The following GPC6 variants were observed in gnomAD, a reference collection of about 807,000 sequenced individuals.
GPC6 encodes glypican-6.
GPC6 carries 14 observed loss-of-function variants against 55.2 expected under a neutral mutation model. That is an observed-to-expected ratio of 0.25 (90% CI 0.17 to 0.40). The LOEUF (loss-of-function observed/expected upper bound fraction) is 0.40, where lower values mean the gene tolerates loss of function less well. GPC6 is among the 10% of genes least tolerant of loss of function. The pLI is 1.00. For synonymous variants in GPC6, 278 were observed against 259.6 expected (o/e 1.07, Z -0.68); for missense variants, 641 against 708.5 (o/e 0.90, Z 1.08).
chr13:93,587,947 C>T (rs1046774514), intron 2 of GPC6, among the ~76,000 whole-genome samples: 2 of 152,202 alleles, frequency 1.3e-5, no homozygotes, highest in African/African-American at 4.8e-5. Context: ...CTACAGTCCA[C>T]CATAACCTGG....
intron 1 of GPC6, among the ~76,000 whole-genome samples, chr13:93,528,640 TTTTTGGC>T (rs1881744293): frequency 2.6e-5 from 4 of 152,170 alleles, no homozygotes; most frequent in African/African-American, 9.6e-5. Context: ...GAATATGAAG[TTTTTGGC>T]ATCTTCTAAG....
chr13:93,230,486 CTATT>C (rs1875968362), intron 1 of GPC6, among the ~76,000 whole-genome samples: 2 of 152,132 alleles, frequency 1.3e-5, no homozygotes, highest in African/African-American at 2.4e-5. Context: ...ATCAGATAGA[CTATT>C]TATCCTTGTT....
At chr13:94,381,994 C>G (rs1406541024) in intron 6 of GPC6, among the ~76,000 whole-genome samples, 1 of 152,184 alleles carries the variant, frequency 6.6e-6, no homozygotes, top group Non-Finnish European at 1.5e-5. Flanking sequence ...ACAAGGAGTC[C>G]ATTGGGAAAA....
intron 2 of GPC6, among the ~76,000 whole-genome samples, chr13:93,699,496 TA>T (rs1882595918): frequency 6.6e-6 from 1 of 152,082 alleles, no homozygotes; most frequent in South Asian, 2.1e-4. Context: ...TACACAGAAT[TA>T]AAGTGTCATC....
intron 1 of GPC6, among the ~76,000 whole-genome samples, chr13:93,462,194 C>A (rs1392460106): frequency 6.6e-6 from 1 of 152,070 alleles, no homozygotes; most frequent in African/African-American, 2.4e-5. Context: ...GGATGAGATT[C>A]AAAATATACT....
chr13:93,444,942 T>G (rs772825681), intron 1 of GPC6, among the ~76,000 whole-genome samples: 1 of 152,222 alleles, frequency 6.6e-6, no homozygotes, highest in Non-Finnish European at 1.5e-5. Context: ...GTATGGAACT[T>G]AGCATTTTCT....
chr13:93,521,239 T>G (rs1210561896), intron 1 of GPC6, among the ~76,000 whole-genome samples: 1 of 151,990 alleles, frequency 6.6e-6, no homozygotes, highest in Admixed American at 6.6e-5. Flanking sequence ...TATTGCATTT[T>G]CTTTCTAAGA....
chr13:94,230,597 C>A (rs1372218403), intron 4 of GPC6, among the ~76,000 whole-genome samples: 1 of 152,076 alleles, frequency 6.6e-6, no homozygotes, highest in Non-Finnish European at 1.5e-5. Context: ...AAGGGTATCT[C>A]CTCAGAACAA....
intron 4 of GPC6, among the ~76,000 whole-genome samples, chr13:94,209,715 A>G (rs1295460720): frequency 6.6e-6 from 1 of 152,200 alleles, no homozygotes; most frequent in Non-Finnish European, 1.5e-5. Flanking sequence ...AATGTCATGC[A>G]TTTTATGAAA....
chr13:93,236,244 T>G (rs1876230414), intron 1 of GPC6, among the ~76,000 whole-genome samples: 1 of 152,168 alleles, frequency 6.6e-6, no homozygotes, highest in Non-Finnish European at 1.5e-5. Flanking sequence ...TCTTTTAAAT[T>G]TCAATAGCTT....
the GPC6 span, among the ~76,000 whole-genome samples, chr13:93,220,081 A>G: frequency 6.6e-6 from 1 of 152,200 alleles, no homozygotes; most frequent in Non-Finnish European, 1.5e-5. Context: ...GTGTTTTCCA[A>G]AAACTAAGTC....
chr13:94,398,213 C>T (rs1029464756), intron 7 of GPC6, among the ~76,000 whole-genome samples: 2 of 151,092 alleles, frequency 1.3e-5, no homozygotes, highest in Admixed American at 6.6e-5. Context: ...TGTAGGCAGA[C>T]CTACCTAAGA....
chr13:94,382,472 A>G lies in GPC6; in HGVS notation c.1211A>G (p.Tyr404Cys). The change falls in exon 7 of 9, where the codon TAC becomes TGC. Residue 404 changes from tyrosine (Y) to cysteine (C), a missense_variant. Transcript: ENST00000377047. ...AAAAAGGTCTGGTCAGCATTACCCTACACTATCTGCAAGGACGAGAGCGTG... is the reference window on the plus strand; with the variant it reads ...AAAAAGGTCTGGTCAGCATTACCCTGCACTATCTGCAAGGACGAGAGCGTG... The part of the protein sequence containing the change: ...LSKKVWSALP[Y>C]TICKDESVTA... The G allele has an allele frequency of 6.2e-7, 1 of 1,614,128 alleles. No individual in the cohort carries two copies. The highest frequency in any genetic ancestry group is 8.5e-7 in the Non-Finnish European group (1 of 1,179,962).
chr13:93,342,150 A>G (rs1291045729), intron 1 of GPC6, among the ~76,000 whole-genome samples: 1 of 151,968 alleles, frequency 6.6e-6, no homozygotes, highest in Non-Finnish European at 1.5e-5. Flanking sequence ...TACTTTTGTT[A>G]TAAGGTGAGA....
At chr13:94,237,729 C>A (rs1198006158) in intron 4 of GPC6, among the ~76,000 whole-genome samples, 1 of 152,044 alleles carries the variant, frequency 6.6e-6, no homozygotes, top group South Asian at 2.1e-4. Flanking sequence ...AATAAAAAAA[C>A]GTAGGTGGGC....
chr13:94,053,305 C>G (rs1399548388), intron 4 of GPC6, among the ~76,000 whole-genome samples: 1 of 152,044 alleles, frequency 6.6e-6, no homozygotes, highest in Non-Finnish European at 1.5e-5. Context: ...GCTCTGTAGG[C>G]AATTTGGATA....
At chr13:93,225,489 T>G (rs1875741423), upstream of GPC6, among the ~76,000 whole-genome samples, 1 of 5,684 alleles carries the variant, frequency 1.8e-4, no homozygotes, top group South Asian at 0.062. Flanking sequence ...CTATGGAGTT[T>G]TTTTTTTTGT....
chr13:94,155,023 C>A (rs1249144392), intron 4 of GPC6, among the ~76,000 whole-genome samples: 1 of 152,106 alleles, frequency 6.6e-6, no homozygotes, highest in Non-Finnish European at 1.5e-5. Context: ...GTCCCCAGGG[C>A]ACTGCATTGG....
At chr13:93,425,159 GATGA>G (rs1313388638) in intron 1 of GPC6, among the ~76,000 whole-genome samples, 1 of 152,154 alleles carries the variant, frequency 6.6e-6, no homozygotes, top group East Asian at 1.9e-4. Flanking sequence ...CAAAATTCGT[GATGA>G]ATGAATTACA....
Sources: allele counts gnomAD v4.1 joint callset (sites outside exome capture counted in the v4.1 genomes callset), GRCh38; gene constraint gnomAD v4.1.1; transcripts MANE v1.5; gene names NCBI Gene and HGNC (gene_info 2026-07-23, HGNC 2026-07-21).